LMO2: variants seen among roughly 807,000 people sequenced by gnomAD.
LMO2 encodes LIM domain only 2.
In LMO2, 20 loss-of-function variants were observed where a neutral mutation model predicts 23.2. The observed-to-expected ratio is 0.86, with a 90% CI of 0.61 to 1.25. The LOEUF (loss-of-function observed/expected upper bound fraction) is 1.25. Ranked by LOEUF, LMO2 falls within the 50% of genes most tolerant of loss-of-function variation. LMO2 has a pLI of 0.00. For missense variants in LMO2, 270 were observed against 315.3 expected (o/e 0.86, Z 1.09); for synonymous variants, 123 against 130.2 (o/e 0.94, Z 0.38).
intron 3 of LMO2, 62 bp from the exon 4 acceptor site, chr11:33,869,648 G>T: frequency 7.9e-7 from 1 of 1,260,006 alleles, no homozygotes; most frequent in Non-Finnish European, 1.0e-6. Context: ...GCCGAGGCGG[G>T]GGCCGGGGCG....
At chr11:33,882,184 C>T (rs948193011) in intron 1 of LMO2, among the ~76,000 whole-genome samples, 1 of 152,082 alleles carries the variant, frequency 6.6e-6, no homozygotes, top group African/African-American at 2.4e-5. Context: ...CTTCACTTAC[C>T]AGCCCAGCTT....
chr11:33,880,417 C>T lies in LMO2; in HGVS notation c.-272+1407G>A, dbSNP rs1291151846. On this transcript the variant is annotated intron_variant, in intron 2 of 5. Coordinates refer to ENST00000257818, the MANE Select transcript of LMO2 (RefSeq NM_005574.4). The surrounding 1 kb of genome is among the most constrained non-coding windows in gnomAD (Gnocchi z 4.3). ...AAGACATTGAGTGATATAAGCCAGT[C>T]CTGAGAGGACAAAGACTATATATGA... Among the ~76,000 whole-genome samples, 1 of 151,848 alleles carries T rather than the reference C, an allele frequency of 6.6e-6. No individual in the cohort carries two copies. Among genetic ancestry groups the T allele is most frequent in the Non-Finnish European group, 1.5e-5 (1 of 67,998 alleles).
intron 5 of LMO2, among the ~76,000 whole-genome samples, chr11:33,863,441 G>A (rs932780441): frequency 6.6e-6 from 1 of 152,146 alleles, no homozygotes; most frequent in African/African-American, 2.4e-5. Context: ...AATGTAAAAT[G>A]CTCTGAGGGC....
chr11:33,883,535 A>G (rs1445827238), intron 1 of LMO2, among the ~76,000 whole-genome samples: 1 of 152,198 alleles, frequency 6.6e-6, no homozygotes, highest in African/African-American at 2.4e-5. Context: ...GAAGAAATCC[A>G]TGGTCAACAG....
chr11:33,884,293 G>A (rs1857353882), intron 1 of LMO2, among the ~76,000 whole-genome samples: 1 of 151,996 alleles, frequency 6.6e-6, no homozygotes, highest in Non-Finnish European at 1.5e-5. Context: ...GATTAATTTT[G>A]AGTGATCTGC....
intron 5 of LMO2, among the ~76,000 whole-genome samples, chr11:33,863,669 C>T (rs1856664804): frequency 1.3e-5 from 2 of 152,202 alleles, no homozygotes; most frequent in South Asian, 4.1e-4. Context: ...ACTAGAAACA[C>T]TAGTACATTC....
chr11:33,872,377 G>A (rs1857046210), intron 2 of LMO2, among the ~76,000 whole-genome samples: 1 of 152,184 alleles, frequency 6.6e-6, no homozygotes, highest in Non-Finnish European at 1.5e-5. Flanking sequence ...AAGTTATTGT[G>A]GGGATTATAT....
chr11:33,882,148 C>T (rs992202939), intron 1 of LMO2, among the ~76,000 whole-genome samples: 1 of 152,018 alleles, frequency 6.6e-6, no homozygotes, highest in Non-Finnish European at 1.5e-5. Flanking sequence ...TGCTTCCTGC[C>T]GACTTCTTTT....
chr11:33,886,994 C>T (rs954410567), intron 1 of LMO2, among the ~76,000 whole-genome samples: 9 of 152,102 alleles, frequency 5.9e-5, no homozygotes, highest in East Asian at 1.9e-4. Flanking sequence ...GGTCTGACAC[C>T]GATGCCTTGT....
intron 2 of LMO2, among the ~76,000 whole-genome samples, chr11:33,873,712 G>A (rs563805362): frequency 6.6e-6 from 1 of 152,170 alleles, no homozygotes; most frequent in South Asian, 2.1e-4. Flanking sequence ...CTAAAATCTA[G>A]AAAATGTTCA....
intron 1 of LMO2, among the ~76,000 whole-genome samples, chr11:33,890,230 T>TGATA (rs1214315190): frequency 2.0e-5 from 3 of 152,324 alleles, no homozygotes; most frequent in African/African-American, 7.2e-5. Flanking sequence ...ATCAATCTGG[T>TGATA]GATAGATACC....
intron 4 of LMO2, among the ~76,000 whole-genome samples, chr11:33,868,179 T>C (rs1278774558): frequency 6.6e-6 from 1 of 152,236 alleles, no homozygotes; most frequent in African/African-American, 2.4e-5. Context: ...TATGAGAATA[T>C]GTTGAGCTTT....
At chr11:33,869,271 C>T (rs1043705879) in intron 4 of LMO2, 75 bp downstream of exon 4, 4 of 1,094,304 alleles carry the variant, frequency 3.7e-6, no homozygotes, top group African/African-American at 1.7e-5. Context: ...TCGCGGGCCG[C>T]CCGGGTCCCC....
intron 1 of LMO2, among the ~76,000 whole-genome samples, chr11:33,885,138 G>T (rs916209735): frequency 4.6e-5 from 7 of 152,176 alleles, no homozygotes; most frequent in African/African-American, 1.7e-4. Flanking sequence ...GTCAGACTTA[G>T]CAGTGTGCAG....
In LMO2 at chr11:33,859,107, CA is replaced by C. The variant is rs951697295; in HGVS notation, c.*248del. ...TGTTCCTTTCTTCTGCTAATCATGT[CA>C]GTTACTATGGATGGGCTGTGGCCAT... On this transcript the variant is annotated 3_prime_UTR_variant, in exon 6 of 6. Transcript: ENST00000257818. 10 of 482,942 alleles carry C rather than the reference CA, an allele frequency of 2.1e-5. No homozygotes were observed. Among genetic ancestry groups the C allele is most frequent in the African/African-American group, 1.9e-4 (10 of 52,146 alleles). The allele number at this position is 482,942 out of a possible 1,614,324, so 29.9% of individuals were successfully genotyped here.
intron 5 of LMO2, among the ~76,000 whole-genome samples, chr11:33,862,276 T>C (rs1856609537): frequency 6.6e-6 from 1 of 152,182 alleles, no homozygotes; most frequent in African/African-American, 2.4e-5. Context: ...ACTCCCACCA[T>C]GTCTGTCACT....
rs1471971023 is a variant in LMO2, at chr11:33,881,903, A to G, written c.-335-16T>C. 6.4e-6 allele frequency: 1 copy of G among 156,296 alleles called. No individual in the cohort carries two copies. Among genetic ancestry groups the G allele is most frequent in the East Asian group, 1.9e-4 (1 of 5,286 alleles). The allele number at this position is 156,296 out of a possible 1,614,324, so 9.7% of individuals were successfully genotyped here. On this transcript the variant is annotated splice_polypyrimidine_tract_variant and intron_variant, in intron 1 of 5. Coordinates refer to ENST00000257818, the MANE Select transcript of LMO2 (RefSeq NM_005574.4). ...GCAGTTGTTACTGAAAGAAAATGAG[A>G]GGAACCCTCTGGTTTAGACAGCTAG...
chr11:33,865,697 A>T (rs1231970534), intron 4 of LMO2, among the ~76,000 whole-genome samples: 1 of 152,252 alleles, frequency 6.6e-6, no homozygotes, highest in East Asian at 1.9e-4. Context: ...TGACATCTCA[A>T]TCCAGCAATT....
chr11:33,867,689 G>C (rs1236370354), intron 4 of LMO2, among the ~76,000 whole-genome samples: 1 of 152,156 alleles, frequency 6.6e-6, no homozygotes, highest in African/African-American at 2.4e-5. Flanking sequence ...AGTGAAGGAA[G>C]GAGCTGGTGA....
Sources: gnomAD v4.1 joint callset for allele counts (sites outside exome capture counted in the v4.1 genomes callset) on GRCh38, gnomAD v4.1.1 for gene constraint, Gnocchi (gnomAD v3.1) non-coding constraint, MANE v1.5 for transcripts, NCBI Gene and HGNC (gene_info 2026-07-23, HGNC 2026-07-21) for gene names.